The following DHX40 variants were observed in gnomAD, a reference collection of about 807,000 sequenced individuals.
DHX40 encodes the protein DEAH-box helicase 40.
A neutral mutation model predicts 89.6 loss-of-function variants in DHX40; 28 were observed. The ratio of observed to expected loss-of-function variants is 0.31; its 90% CI spans 0.23 to 0.43. The LOEUF is 0.43. Ranked by LOEUF, DHX40 falls within the 20% of genes least tolerant of loss-of-function variation. The probability of loss-of-function intolerance (pLI) is 1.00; values close to 1 mark genes in which losing one functional copy is unlikely to be tolerated. For missense variants in DHX40, 457 were observed against 844.0 expected, an observed-to-expected ratio of 0.54 and a Z score of 5.68; for synonymous variants, 226 against 283.6, an observed-to-expected ratio of 0.80 and a Z score of 2.04.
chr17:59,594,093 A>C (rs555551481), intron 12 of DHX40, among the ~76,000 whole-genome samples: 10 of 152,214 alleles, frequency 6.6e-5, no homozygotes, highest in African/African-American at 2.4e-4. Flanking sequence ...TTCCCTCTCT[A>C]TTTACTTCTC....
chr17:59,581,768 A>G (rs2143265924), intron 10 of DHX40, among the ~76,000 whole-genome samples: 1 of 122,194 alleles, frequency 8.2e-6, no homozygotes. Flanking sequence ...TCCAAAAAAA[A>G]AAAAAAACCA....
intron 10 of DHX40, among the ~76,000 whole-genome samples, chr17:59,580,998 C>T (rs2048939175): frequency 6.7e-6 from 1 of 150,182 alleles, no homozygotes; most frequent in African/African-American, 2.5e-5. Flanking sequence ...ACGAGAATCA[C>T]TTGAACCCAG....
chr17:59,603,636 C>G (rs913719373), intron 15 of DHX40: 1 of 152,070 alleles, frequency 6.6e-6, no homozygotes, highest in Non-Finnish European at 1.5e-5. Flanking sequence ...GAAATCGTGT[C>G]TATCGTGGTA....
At chr17:59,573,081 G>T (rs760220776) in intron 3 of DHX40, 35 bp from the exon 4 acceptor site, 3 of 1,584,830 alleles carry the variant, frequency 1.9e-6, no homozygotes, top group Non-Finnish European at 2.6e-6. Flanking sequence ...GGAAAATAGT[G>T]GTGAATTCCT....
intron 2 of DHX40, among the ~76,000 whole-genome samples, chr17:59,570,305 TATATA>T (rs1253490769): frequency 7.3e-6 from 1 of 137,542 alleles, no homozygotes; most frequent in Admixed American, 8.1e-5. Flanking sequence ...ATATATTATA[TATATA>T]ATATATTTTT....
Position 59,565,698 on chromosome 17 carries a change from C to T in DHX40, c.27C>T (p.Gly9=). 2 of 1,602,892 alleles carry T rather than the reference C, an allele frequency of 1.2e-6. No individual in the cohort carries two copies. Among genetic ancestry groups the T allele is most frequent in the Non-Finnish European group, 1.7e-6 (2 of 1,179,562 alleles). The change falls in exon 1 of 18, where the codon GGC becomes GGT. Residue 9 remains glycine, a synonymous_variant. Coordinates refer to ENST00000251241, the MANE Select transcript of DHX40 (RefSeq NM_024612.5). MSRFPAVA[G]RAPRRQEEGE... ...TGTCCCGGTTTCCCGCAGTCGCGGG[C>T]AGGGCGCCAAGGCGGCAGGAGGAGG...
At chr17:59,573,484 C>G (rs1351940309) in intron 4 of DHX40, among the ~76,000 whole-genome samples, 1 of 152,060 alleles carries the variant, frequency 6.6e-6, no homozygotes, top group African/African-American at 2.4e-5. Flanking sequence ...CGTGCATCAC[C>G]ATGTCTGGCT....
chr17:59,602,544 C>T lies in DHX40; in HGVS notation c.1829C>T (p.Thr610Ile), dbSNP rs2030594651. 6.2e-7 allele frequency: 1 copy of T among 1,613,528 alleles called. No individual in the cohort carries two copies. Residue 610 changes from threonine (T) to isoleucine (I), a missense_variant, in exon 15 of 18, where the codon ACC (threonine) becomes ATC (isoleucine). By Grantham distance (89) the Thr-to-Ile change is moderately conservative (BLOSUM62 -1). Around this residue, in one of 9 missense-constraint regions of DHX40, gnomAD observed 32 missense variants for 60.0 expected, o/e 0.53. Coordinates refer to ENST00000251241, the MANE Select transcript of DHX40 (RefSeq NM_024612.5). ...TAGCAAAGTGATTTCCCAAAAGAGACCTTTGAAGGCCCTAAACATGAAGTA... is the reference window on the plus strand; with the variant it reads ...TAGCAAAGTGATTTCCCAAAAGAGATCTTTGAAGGCCCTAAACATGAAGTA... ...LKQQSDFPKE[T>I]FEGPKHEVLR...
At chr17:59,585,799 T>C (rs11491190) in intron 10 of DHX40, among the ~76,000 whole-genome samples, 634 of 98,644 alleles carry the variant, frequency 6.4e-3, no homozygotes, top group African/African-American at 0.022. Context: ...ACTATTAATA[T>C]TTCTCTACTA....
intron 17 of DHX40, among the ~76,000 whole-genome samples, chr17:59,606,504 T>C (rs1303979454): frequency 6.6e-6 from 1 of 152,124 alleles, no homozygotes; most frequent in African/African-American, 2.4e-5. Context: ...CCCAGCACTT[T>C]GGGAGACCAA....
chr17:59,570,225 T>C (rs959261159), intron 2 of DHX40, among the ~76,000 whole-genome samples: 1 of 126,084 alleles, frequency 7.9e-6, no homozygotes, highest in African/African-American at 3.1e-5. Flanking sequence ...ATATTAAATA[T>C]ATATTAGTAT....
In DHX40 at chr17:59,587,879, T is replaced by G. The variant is rs2049021479; in HGVS notation, c.1425-17T>G. The G allele has an allele frequency of 1.9e-6, 3 of 1,599,634 alleles. No homozygotes were observed. The highest frequency in any genetic ancestry group is 2.2e-5 in the East Asian group (1 of 44,788). Reference sequence around the variant, plus strand: ...TCCTAGTGTAGAAAGACTTACAAACTTTTTCTTTGTATTAAGGAGTGGCCA... The same window carrying G: ...TCCTAGTGTAGAAAGACTTACAAACGTTTTCTTTGTATTAAGGAGTGGCCA... On this transcript the variant is annotated splice_polypyrimidine_tract_variant and intron_variant, in intron 11 of 17. Coordinates refer to ENST00000251241, the MANE Select transcript of DHX40 (RefSeq NM_024612.5).
chr17:59,566,449 A>G (rs1341070355), intron 1 of DHX40, among the ~76,000 whole-genome samples, 178 bp from the exon 2 acceptor site: 1 of 152,162 alleles, frequency 6.6e-6, no homozygotes, highest in East Asian at 1.9e-4. Context: ...GGGCTCATTA[A>G]CCCTCACTTA....
chr17:59,596,779 CTT>C, intron 12 of DHX40, among the ~76,000 whole-genome samples: 1 of 152,090 alleles, frequency 6.6e-6, no homozygotes, highest in Non-Finnish European at 1.5e-5. Flanking sequence ...GGATAGAAGA[CTT>C]TATACCTTCA....
At position 59,566,795 on chromosome 17, in the gene DHX40, G is replaced by A; in HGVS notation, c.280+1G>A. 6.4e-7 allele frequency: 1 copy of A among 1,559,900 alleles called. No homozygotes were observed. Among genetic ancestry groups the A allele is most frequent in the Admixed American group, 2.2e-5 (1 of 44,850 alleles). ...CTCCCAAAATATCTATATGAAGCAGGTGATTTTTTTCTGTTGTAATAATTG... is the reference window on the plus strand; with the variant it reads ...CTCCCAAAATATCTATATGAAGCAGATGATTTTTTTCTGTTGTAATAATTG... On this transcript the variant is annotated splice_donor_variant, in intron 2 of 17. Transcript: ENST00000251241. LOFTEE classifies it high-confidence loss of function.
chr17:59,566,693 A>G lies in DHX40; in HGVS notation c.179A>G (p.Lys60Arg). Residue 60 changes from lysine to arginine, a missense_variant, in exon 2 of 18, where the codon AAA becomes AGA. Lys to Arg is a conservative substitution (Grantham distance 26). Around this residue, in one of 9 missense-constraint regions of DHX40, gnomAD observed 75 missense variants for 76.8 expected, o/e 0.98. Transcript: ENST00000251241. ...ACTTTTCCTATTCAGAAACAAAGAA[A>G]AAAGATTATTCAAGCTGTGAGGGAC... The part of the protein sequence containing the change: ...TPTFPIQKQR[K>R]KIIQAVRDNS... The G allele has an allele frequency of 1.9e-6, 3 of 1,607,268 alleles. No individual in the cohort carries two copies. The African/African-American group carries it at 4.0e-5, about 22-fold the overall frequency.
intron 14 of DHX40, among the ~76,000 whole-genome samples, chr17:59,600,075 C>T (rs1304427984): frequency 2.0e-5 from 3 of 152,094 alleles, no homozygotes; most frequent in Non-Finnish European, 2.9e-5. Flanking sequence ...CCACCTGCCT[C>T]GGCCTTCCAA....
intron 3 of DHX40, among the ~76,000 whole-genome samples, chr17:59,572,555 GT>G (rs1433111421): frequency 6.6e-6 from 1 of 152,052 alleles, no homozygotes; most frequent in East Asian, 1.9e-4. Flanking sequence ...ATTTTTATAT[GT>G]TTATTAGAGA....
At position 59,607,894 on chromosome 17, in the gene DHX40, T is replaced by C. The variant is rs1167173968; in HGVS notation, c.*722T>C. ...GGACAGATGATATATATATATATGA[T>C]ATATATATATATATAAGTTCTTTTT... On this transcript the variant is annotated 3_prime_UTR_variant, in exon 18 of 18. Transcript: ENST00000251241. 3 of 148,458 alleles carry C rather than the reference T, an allele frequency of 2.0e-5. No homozygotes were observed. Among genetic ancestry groups the C allele is most frequent in the South Asian group, 2.1e-4 (1 of 4,744 alleles). 9.2% of individuals were successfully genotyped at this position (148,458 alleles called of 1,614,324 possible). A position where few individuals can be genotyped will look rare whatever the true frequency, so the allele number is the denominator to read the frequency against.
Sources: gnomAD v4.1 joint callset for allele counts (sites outside exome capture counted in the v4.1 genomes callset) on GRCh38, gnomAD v4.1.1 for gene constraint, gnomAD v4.1.1 regional missense constraint, MANE v1.5 for transcripts, NCBI Gene and HGNC (gene_info 2026-07-23, HGNC 2026-07-21) for gene names.